The following SNX4 variants were observed in gnomAD, a reference collection of about 807,000 sequenced individuals.
SNX4 encodes sorting nexin 4, also known as sorting nexin-4.
Under a neutral mutation model 70.8 loss-of-function variants are expected in SNX4, and 49 were observed. The ratio of observed to expected loss-of-function variants is 0.69; its 90% confidence interval spans 0.55 to 0.88. SNX4 has a LOEUF of 0.88. SNX4 is among the 40% of genes least tolerant of loss of function. The pLI, the probability that SNX4 is intolerant of heterozygous loss-of-function variation, is 0.00. For synonymous variants in SNX4, 206 were observed against 183.8 expected (o/e 1.12, Z -0.98); for missense variants, 528 against 544.8 (o/e 0.97, Z 0.31).
intron 4 of SNX4, 116 bp from the exon 5 acceptor site, chr3:125,497,504 A>C: frequency 1.4e-6 from 1 of 739,732 alleles, no homozygotes; most frequent in Non-Finnish European, 2.3e-6. Context: ...AGAGAAGTTT[A>C]AAAAAATTTC....
chr3:125,480,290 T>C lies in SNX4; in HGVS notation c.683A>G (p.Asp228Gly). 6.4e-7 allele frequency: 1 copy of C among 1,573,876 alleles called. No individual in the cohort carries two copies. The highest frequency in any genetic ancestry group is 8.6e-7 in the Non-Finnish European group (1 of 1,157,644). Residue 228 changes from aspartate to glycine, a missense_variant, in exon 7 of 14, where the codon GAT becomes GGT. By Grantham distance (94) the Asp-to-Gly change is moderately conservative. Transcript: ENST00000251775. Reference sequence around the variant, plus strand: ...ATGTGAGATGACAGACTGCAGTTCATCACTATAGTGCTTAAGGTCAGTAAA... The same window carrying C: ...ATGTGAGATGACAGACTGCAGTTCACCACTATAGTGCTTAAGGTCAGTAAA... Reference protein sequence around the residue: ...KRFTDLKHYSDELQSVISHLL... With the variant: ...KRFTDLKHYSGELQSVISHLL...
chr3:125,500,799 C>CAAAAAA (rs770336677), intron 2 of SNX4, among the ~76,000 whole-genome samples: 3 of 29,298 alleles, frequency 1.0e-4, no homozygotes, highest in African/African-American at 2.6e-4. Context: ...GACTCCGTCT[C>CAAAAAA]AAAAAAAAAA....
chr3:125,496,023 C>G (rs1934784696), intron 5 of SNX4, among the ~76,000 whole-genome samples: 1 of 152,152 alleles, frequency 6.6e-6, no homozygotes, highest in Non-Finnish European at 1.5e-5. Context: ...ATATTTATAG[C>G]TAGGCACAGT....
At chr3:125,455,760 TC>T (rs1162215632) in intron 11 of SNX4, among the ~76,000 whole-genome samples, 5 of 152,242 alleles carry the variant, frequency 3.3e-5, no homozygotes, top group African/African-American at 4.8e-5. Flanking sequence ...ATGCCTATAA[TC>T]CCAGCACTTT....
chr3:125,495,267 T>C lies in SNX4; in HGVS notation c.597+2074A>G, dbSNP rs6794221. ...TTCTCTCTTTATATATATATATATA[T>C]ATATATATATACACATACACACACA... On this transcript the variant is annotated intron_variant, in intron 5 of 13. Transcript: ENST00000251775. Among the ~76,000 whole-genome samples the C allele has an allele frequency of 6.9e-4, 49 of 71,118 alleles. 6 individuals carry two copies. Among genetic ancestry groups the C allele is most frequent in the African/African-American group, 2.3e-3 (47 of 20,718 alleles). The allele number at this position is 71,118 out of a possible 152,430, so 46.7% of individuals were successfully genotyped here. A position where few individuals can be genotyped will look rare whatever the true frequency, so the allele number is the denominator to read the frequency against.
Position 125,504,749 on chromosome 3 carries a change from A to G in SNX4, c.142-5T>C, listed in dbSNP as rs76389695. The G allele has an allele frequency of 0.022, 35,585 of 1,611,618 alleles. 1,176 individuals carry two copies. The highest frequency in any genetic ancestry group is 0.13 in the African/African-American group (9,922 of 74,896). On this transcript the variant is annotated splice_polypyrimidine_tract_variant and splice_region_variant and intron_variant, in intron 1 of 13. Coordinates refer to ENST00000251775, the MANE Select transcript of SNX4 (RefSeq NM_003794.4). Reference sequence around the variant, plus strand: ...CCAAAAATTATTGTGTGTCATCTGGACAAAAGTAAATAAAACAACAACAAC... The same window carrying G: ...CCAAAAATTATTGTGTGTCATCTGGGCAAAAGTAAATAAAACAACAACAAC...
At chr3:125,482,019 TCA>T in intron 6 of SNX4, among the ~76,000 whole-genome samples, 1 of 152,174 alleles carries the variant, frequency 6.6e-6, no homozygotes, top group African/African-American at 2.4e-5. Context: ...CATATGGGCA[TCA>T]CCATGCCCAG....
intron 5 of SNX4, among the ~76,000 whole-genome samples, chr3:125,495,252 A>ATT (rs1559821299): frequency 5.3e-5 from 2 of 37,880 alleles, no homozygotes; most frequent in Non-Finnish European, 9.4e-5. Flanking sequence ...TTCTCTCTTT[A>ATT]TATATATATA....
In SNX4 at chr3:125,469,502, T is replaced by C; in HGVS notation, c.806A>G (p.Glu269Gly). The C allele has an allele frequency of 6.2e-7, 1 of 1,613,048 alleles. No individual in the cohort carries two copies. Among genetic ancestry groups the C allele is most frequent in the Non-Finnish European group, 8.5e-7 (1 of 1,179,068 alleles). ...CTGCAGTCCATCACCCATTTCTTTT[T>C]CTATGGCACTCCATTCACTAGGGAG... ...GRVFSEWSAI[E>G]KEMGDGLQSA... The change falls in exon 9 of 14, where the codon GAA (glutamate) becomes GGA (glycine). Residue 269 changes from glutamate to glycine, a missense_variant. By Grantham distance (98) the Glu-to-Gly change is moderately conservative. Coordinates refer to ENST00000251775, the MANE Select transcript of SNX4 (RefSeq NM_003794.4).
At chr3:125,501,968 A>G (rs1934939175) in intron 2 of SNX4, among the ~76,000 whole-genome samples, 1 of 152,204 alleles carries the variant, frequency 6.6e-6, no homozygotes, top group African/African-American at 2.4e-5. Flanking sequence ...ATTTATTTCA[A>G]AGTCAAGTAC....
chr3:125,454,726 A>G (rs1057263639), intron 11 of SNX4, among the ~76,000 whole-genome samples: 3 of 152,188 alleles, frequency 2.0e-5, no homozygotes, highest in African/African-American at 7.2e-5. Context: ...ATTTTATGTT[A>G]TATATATTTC....
chr3:125,448,669 CTTTT>C (rs921502028), intron 13 of SNX4, among the ~76,000 whole-genome samples: 3 of 95,364 alleles, frequency 3.1e-5, no homozygotes, highest in African/African-American at 1.3e-4. Flanking sequence ...GGGTTTTTTC[CTTTT>C]TTTTTTTTTT....
At chr3:125,451,781 T>C (rs1483084956) in intron 12 of SNX4, among the ~76,000 whole-genome samples, 2 of 151,974 alleles carry the variant, frequency 1.3e-5, no homozygotes, top group Non-Finnish European at 2.9e-5. Flanking sequence ...CACACGCCAC[T>C]ACGCCCAACT....
chr3:125,504,931 T>G (rs1192139818), intron 1 of SNX4, among the ~76,000 whole-genome samples, 187 bp from the exon 2 acceptor site: 1 of 152,212 alleles, frequency 6.6e-6, no homozygotes, highest in African/African-American at 2.4e-5. Flanking sequence ...CAAACAAAAG[T>G]ACATTAACTT....
intron 6 of SNX4, among the ~76,000 whole-genome samples, chr3:125,481,731 G>A (rs1934417506): frequency 6.6e-6 from 1 of 152,114 alleles, no homozygotes; most frequent in African/African-American, 2.4e-5. Context: ...GAGCCACCAT[G>A]CCTGGTCGAA....
chr3:125,482,667 G>C (rs999537927), intron 6 of SNX4, among the ~76,000 whole-genome samples: 1 of 151,994 alleles, frequency 6.6e-6, no homozygotes, highest in Non-Finnish European at 1.5e-5. Context: ...CTGATCCTGA[G>C]ACAAAGTTCA....
At chr3:125,470,167 A>G (rs561498640) in intron 8 of SNX4, among the ~76,000 whole-genome samples, 1 of 152,336 alleles carries the variant, frequency 6.6e-6, no homozygotes, top group South Asian at 2.1e-4. Flanking sequence ...AAATGCCAAG[A>G]GATAACATAA....
intron 5 of SNX4, among the ~76,000 whole-genome samples, chr3:125,495,510 T>A (rs982077965): frequency 6.6e-6 from 1 of 151,948 alleles, no homozygotes; most frequent in African/African-American, 2.4e-5. Context: ...TGTTTTGAAT[T>A]ATTAATTCTG....
intron 5 of SNX4, among the ~76,000 whole-genome samples, chr3:125,493,844 A>G (rs1202217224): frequency 6.6e-6 from 1 of 151,678 alleles, no homozygotes; most frequent in Non-Finnish European, 1.5e-5. Context: ...ATCCTGGCTA[A>G]CATGGTGAAA....
Sources: gnomAD v4.1 joint callset for allele counts (sites outside exome capture counted in the v4.1 genomes callset) on GRCh38, gnomAD v4.1.1 for gene constraint, MANE v1.5 for transcripts, NCBI Gene and HGNC (gene_info 2026-07-23, HGNC 2026-07-21) for gene names.